Variants in SCN9A observed in about 807,000 individuals in gnomAD.
SCN9A encodes the protein sodium voltage-gated channel alpha subunit 9.
A neutral mutation model predicts 187.0 loss-of-function variants in SCN9A; 131 were observed. That is an observed-to-expected ratio of 0.70 (90% CI 0.61 to 0.81). SCN9A has a LOEUF of 0.81. Among genes scored for constraint, SCN9A ranks in the 30% least tolerant of loss-of-function variants. The probability of loss-of-function intolerance (pLI) is 0.00; values close to 1 mark genes in which losing one functional copy is unlikely to be tolerated. For missense variants in SCN9A, 2,252 were observed against 2,396.6 expected (o/e 0.94, Z 1.26); for synonymous variants, 809 against 808.6 (o/e 1.00, Z -0.01).
At position 166,196,045 on chromosome 2, in the gene SCN9A, CT is replaced by C. The variant is rs1693239917; in HGVS notation, c.*2626del. 1 of 151,382 alleles carries C rather than the reference CT, an allele frequency of 6.6e-6. No homozygotes were observed. The highest frequency in any genetic ancestry group is 2.1e-4 in the South Asian group (1 of 4,816). 9.4% of individuals were successfully genotyped at this position (151,382 alleles called of 1,614,324 possible). ...TGGGTGACAGAGCGAGACCTGGTCA[CT>C]TAAAAAAGTTTTTAGAAAACCTGTT... On this transcript the variant is annotated 3_prime_UTR_variant, in exon 27 of 27. Coordinates refer to ENST00000642356, the MANE Select transcript of SCN9A (RefSeq NM_001365536.1).
chr2:166,252,427 A>G (rs868732882), intron 17 of SCN9A, among the ~76,000 whole-genome samples: 4 of 151,964 alleles, frequency 2.6e-5, no homozygotes, highest in Admixed American at 6.6e-5. Flanking sequence ...GAATTTAAAT[A>G]TATGTAGCAG....
At chr2:166,323,572 G>A (rs1435636041) in intron 1 of SCN9A, among the ~76,000 whole-genome samples, 2 of 152,076 alleles carry the variant, frequency 1.3e-5, no homozygotes, top group Non-Finnish European at 2.9e-5. Flanking sequence ...AGGAAAAAAT[G>A]TGAGTTGTGC....
intron 1 of SCN9A, among the ~76,000 whole-genome samples, chr2:166,338,338 G>A (rs913590941): frequency 6.6e-6 from 1 of 151,912 alleles, no homozygotes; most frequent in African/African-American, 2.4e-5. Context: ...TTGATTTAGG[G>A]CTTATTTTTT....
chr2:166,348,340 T>C (rs1699953270), intron 1 of SCN9A, among the ~76,000 whole-genome samples: 1 of 152,070 alleles, frequency 6.6e-6, no homozygotes, highest in Admixed American at 6.6e-5. Flanking sequence ...TTTAACCCGC[T>C]CATTTAAATG....
At chr2:166,313,817 T>C (rs1417203966) in intron 1 of SCN9A, among the ~76,000 whole-genome samples, 1 of 152,232 alleles carries the variant, frequency 6.6e-6, no homozygotes, top group East Asian at 1.9e-4. Context: ...TCAACATGCC[T>C]TCCTCACTAA....
chr2:166,304,165 A>T, intron 6 of SCN9A, 73 bp downstream of exon 6: 1 of 1,611,942 alleles, frequency 6.2e-7, no homozygotes, highest in African/African-American at 1.3e-5. Context: ...ACACACACAC[A>T]AACGAACAAA....
chr2:166,253,019 A>T (rs989696097), intron 17 of SCN9A, among the ~76,000 whole-genome samples: 4 of 151,930 alleles, frequency 2.6e-5, no homozygotes, highest in Admixed American at 2.0e-4. Context: ...AGTGCTAAAA[A>T]TAATAAAATA....
chr2:166,203,928 T>G, intron 26 of SCN9A, 27 bp downstream of exon 26: 1 of 1,400,562 alleles, frequency 7.1e-7, no homozygotes. Context: ...ACTCAAAAAA[T>G]AAAATCTGAA....
At chr2:166,353,000 A>G (rs1700074817) in intron 1 of SCN9A, among the ~76,000 whole-genome samples, 1 of 118,782 alleles carries the variant, frequency 8.4e-6, no homozygotes, top group Non-Finnish European at 1.7e-5. Context: ...ATATCTTTCC[A>G]TTGTATCTGT....
At chr2:166,335,338 G>A (rs1699600932) in intron 1 of SCN9A, among the ~76,000 whole-genome samples, 3 of 152,108 alleles carry the variant, frequency 2.0e-5, no homozygotes, top group Non-Finnish European at 4.4e-5. Context: ...AATATTGGAT[G>A]CCAAAAATCT....
intron 1 of SCN9A, among the ~76,000 whole-genome samples, chr2:166,370,133 T>C (rs1428250714): frequency 6.6e-6 from 1 of 151,064 alleles, no homozygotes; most frequent in Non-Finnish European, 1.5e-5. Context: ...AAACATATAG[T>C]GTAGGAGCAA....
intron 1 of SCN9A, among the ~76,000 whole-genome samples, chr2:166,362,646 T>C (rs1165263019): frequency 1.3e-5 from 2 of 151,956 alleles, no homozygotes; most frequent in African/African-American, 2.4e-5. Flanking sequence ...CAGAAGGAAG[T>C]GTTTTGCCTA....
intron 7 of SCN9A, among the ~76,000 whole-genome samples, chr2:166,299,123 G>C (rs1389906690): frequency 6.6e-6 from 1 of 152,046 alleles, no homozygotes; most frequent in African/African-American, 2.4e-5. Context: ...ACGAGGACTT[G>C]ACTTCTCCCT....
rs939946469 is a variant in SCN9A at position 166,276,178 on chromosome 2, A to G, written c.2874+805T>C. On this transcript the variant is annotated intron_variant, in intron 16 of 26. Coordinates refer to ENST00000642356, the MANE Select transcript of SCN9A (RefSeq NM_001365536.1). The stretch of plus-strand genomic sequence containing the variant: ...GGAAGAAAAAAAATAAAAAAAAAGT[A>G]CAAGCCAAGAAAACACTAATTCAAA... 2.6e-5 allele frequency among the ~76,000 whole-genome samples: 4 copies of G among 152,288 alleles called. No homozygotes were observed. The East Asian group carries it at 7.7e-4, about 29-fold the overall frequency.
At position 166,228,904 on chromosome 2, in the gene SCN9A, G is replaced by C; in HGVS notation, c.3993C>G (p.Phe1331Leu). The C allele has an allele frequency of 6.2e-7, 1 of 1,613,524 alleles. No homozygotes were observed. The highest frequency in any genetic ancestry group is 8.5e-7 in the Non-Finnish European group (1 of 1,179,502). Residue 1331 changes from phenylalanine (F) to leucine (L), a missense_variant, in exon 22 of 27, where the codon TTC (phenylalanine) becomes TTG (leucine). Phe to Leu is a conservative substitution (Grantham distance 22). This residue lies in a region of SCN9A where 368 missense variants were observed against 408.6 expected (regional missense o/e 0.90). Coordinates refer to ENST00000642356, the MANE Select transcript of SCN9A (RefSeq NM_001365536.1). ...CTCCCATGATGCTGAATATCAGCCA[G>C]AATATAAGACACACAAGTAGCACAT... is the stretch of plus-strand genomic sequence containing the variant. ...IMNVLLVCLI[F>L]WLIFSIMGVN... is the part of the protein sequence containing the mutation.
chr2:166,261,526 T>G (rs1375644170), intron 17 of SCN9A, among the ~76,000 whole-genome samples: 1 of 151,882 alleles, frequency 6.6e-6, no homozygotes, highest in Non-Finnish European at 1.5e-5. Flanking sequence ...AAAACACATG[T>G]GAAGATTGGC....
At chr2:166,311,954 A>G (rs4131162) in intron 1 of SCN9A, 148 bp from the exon 2 acceptor site, 272,544 of 449,650 alleles carry the variant, frequency 0.61, 85,170 homozygotes, top group African/African-American at 0.74. Context: ...AGGGATTACT[A>G]TGTGTCAGGC....
intron 1 of SCN9A, among the ~76,000 whole-genome samples, chr2:166,322,218 G>A (rs894312513): frequency 6.6e-6 from 1 of 151,894 alleles, no homozygotes; most frequent in Non-Finnish European, 1.5e-5. Flanking sequence ...TTCTTAATTT[G>A]GAGCTTTTGT....
chr2:166,205,756 T>G (rs1693769304), intron 24 of SCN9A, among the ~76,000 whole-genome samples: 2 of 152,006 alleles, frequency 1.3e-5, no homozygotes, highest in South Asian at 2.1e-4. Context: ...TTTTTGCAAT[T>G]TATCCATCTG....
Sources: gnomAD v4.1 joint callset for allele counts (sites outside exome capture counted in the v4.1 genomes callset) on GRCh38, gnomAD v4.1.1 for gene constraint, gnomAD v4.1.1 regional missense constraint, MANE v1.5 for transcripts, NCBI Gene and HGNC (gene_info 2026-07-23, HGNC 2026-07-21) for gene names.